Variants in TMEM14A observed in about 807,000 individuals in gnomAD.
The protein encoded by TMEM14A is transmembrane protein 14A.
In TMEM14A, 8 loss-of-function variants were observed where a neutral mutation model predicts 11.6. The ratio of observed to expected loss-of-function variants is 0.69; its 90% confidence interval spans 0.40 to 1.24. The LOEUF is 1.24. Ranked by LOEUF, TMEM14A falls within the 50% of genes most tolerant of loss-of-function variation. The pLI is 0.01. For missense variants in TMEM14A, 108 were observed against 121.9 expected (o/e 0.89, Z 0.54); for synonymous variants, 34 against 45.5 (o/e 0.75, Z 1.02).
intron 1 of TMEM14A, among the ~76,000 whole-genome samples, chr6:52,674,611 A>G (rs1190930751): frequency 1.3e-5 from 2 of 152,176 alleles, no homozygotes; most frequent in Non-Finnish European, 2.9e-5. Context: ...GCTCAAAAAC[A>G]TTATAACCTC....
chr6:52,686,143 A>G lies in TMEM14A; in HGVS notation c.*94A>G, dbSNP rs1769489566. 3 of 1,253,422 alleles carry G rather than the reference A, an allele frequency of 2.4e-6. No homozygotes were observed. Among genetic ancestry groups the G allele is most frequent in the Non-Finnish European group, 3.3e-6 (3 of 902,508 alleles). 77.6% of individuals were successfully genotyped at this position (1,253,422 alleles called of 1,614,324 possible). ...ATTTAAAAGATAAACTTCAATATGG[A>G]ATGCTAGAAACACAAATAGCACTGT... On this transcript the variant is annotated 3_prime_UTR_variant, in exon 5 of 5. Transcript: ENST00000211314.
chr6:52,681,475 A>G (rs1769391199), intron 2 of TMEM14A, among the ~76,000 whole-genome samples: 2 of 152,248 alleles, frequency 1.3e-5, no homozygotes, highest in Admixed American at 6.5e-5. Flanking sequence ...AAAAATTAAA[A>G]AAGAAGGGCT....
At chr6:52,680,655 G>GTATATATA (rs1561875017) in intron 2 of TMEM14A, among the ~76,000 whole-genome samples, 5 of 8,838 alleles carry the variant, frequency 5.7e-4, no homozygotes, top group Non-Finnish European at 1.1e-3. Context: ...ATATATGTGT[G>GTATATATA]TGTATATATA....
chr6:52,675,902 A>G (rs1400367376), intron 1 of TMEM14A, among the ~76,000 whole-genome samples: 1 of 152,238 alleles, frequency 6.6e-6, no homozygotes, highest in Non-Finnish European at 1.5e-5. Flanking sequence ...CTTTGATAGT[A>G]CAGACTAGAG....
rs771735530 is a variant in TMEM14A at position 52,677,137 on chromosome 6, T to C, written c.35T>C (p.Val12Ala). The change falls in exon 2 of 5, where the codon GTG becomes GCG. Residue 12 changes from valine to alanine, a missense_variant. Coordinates refer to ENST00000211314, the MANE Select transcript of TMEM14A (RefSeq NM_014051.4). ...DLIGFGYAALVTFGSIFGYKR... is the reference protein window; with the variant it reads ...DLIGFGYAALATFGSIFGYKR... ...ATCGGTTTTGGTTATGCAGCCCTCGTGACATTTGGAAGCATTTTTGGATAT... is the reference window on the plus strand; with the variant it reads ...ATCGGTTTTGGTTATGCAGCCCTCGCGACATTTGGAAGCATTTTTGGATAT... 6.8e-6 allele frequency: 11 copies of C among 1,614,068 alleles called. No homozygotes were observed. In the African/African-American group the frequency reaches 1.3e-4, roughly 20 times the overall value.
chr6:52,684,194 T>C (rs1197489014), intron 4 of TMEM14A, 29 bp downstream of exon 4: 3 of 1,588,500 alleles, frequency 1.9e-6, no homozygotes, highest in African/African-American at 2.7e-5. Flanking sequence ...ATCAATACTT[T>C]CCTCTGCTGT....
In TMEM14A at chr6:52,686,154, C is replaced by A; in HGVS notation, c.*105C>A. On this transcript the variant is annotated 3_prime_UTR_variant, in exon 5 of 5. Transcript: ENST00000211314. ...AAACTTCAATATGGAATGCTAGAAA[C>A]ACAAATAGCACTGTCACCTCTAATA... 1 of 1,085,940 alleles carries A rather than the reference C, an allele frequency of 9.2e-7. No individual in the cohort carries two copies. Among genetic ancestry groups the A allele is most frequent in the Non-Finnish European group, 1.3e-6 (1 of 760,308 alleles). 67.3% of individuals were successfully genotyped at this position (1,085,940 alleles called of 1,614,324 possible). A position where few individuals can be genotyped will look rare whatever the true frequency, so the allele number is the denominator to read the frequency against.
intron 4 of TMEM14A, 72 bp downstream of exon 4, chr6:52,684,237 A>C: frequency 2.2e-6 from 3 of 1,364,952 alleles, no homozygotes; most frequent in East Asian, 2.4e-5. Flanking sequence ...GGGAAACATC[A>C]ATTTTAATTT....
intron 1 of TMEM14A, among the ~76,000 whole-genome samples, chr6:52,676,395 C>T (rs1053520288): frequency 1.8e-4 from 27 of 152,106 alleles, no homozygotes; most frequent in African/African-American, 6.0e-4. Flanking sequence ...TGGGATCACA[C>T]GTGCATGCCA....
At chr6:52,679,934 C>T (rs1478771660) in intron 2 of TMEM14A, among the ~76,000 whole-genome samples, 1 of 152,008 alleles carries the variant, frequency 6.6e-6, no homozygotes, top group African/African-American at 2.4e-5. Flanking sequence ...AAAGGAGCAT[C>T]ATAGAATCTC....
At chr6:52,682,110 A>G (rs554070091) in intron 3 of TMEM14A, among the ~76,000 whole-genome samples, 196 bp downstream of exon 3, 1 of 152,358 alleles carries the variant, frequency 6.6e-6, no homozygotes, top group African/African-American at 2.4e-5. Context: ...AGGCCTTCCA[A>G]CTCAGAAGAA....
At position 52,683,483 on chromosome 6, in the gene TMEM14A, CAAAAA is replaced by C. The variant is rs71799754; in HGVS notation, c.173-585_173-581del. Among the ~76,000 whole-genome samples, 851 of 130,922 alleles carry C rather than the reference CAAAAA, an allele frequency of 6.5e-3. 7 individuals are homozygous for C. Among genetic ancestry groups the C allele is most frequent in the Admixed American group, 0.013 (166 of 13,004 alleles). The allele number at this position is 130,922 out of a possible 152,430, so 85.9% of individuals were successfully genotyped here. A position where few individuals can be genotyped will look rare whatever the true frequency, so the allele number is the denominator to read the frequency against. On this transcript the variant is annotated intron_variant, in intron 3 of 4. Transcript: ENST00000211314. ...TCAACAACAACAACAACAACAACAA[CAAAAA>C]AAAAAAAAAGAAAAAGAAAAGGTCT...
intron 1 of TMEM14A, among the ~76,000 whole-genome samples, chr6:52,675,014 T>A (rs546769341): frequency 6.6e-6 from 1 of 151,928 alleles, no homozygotes; most frequent in African/African-American, 2.4e-5. Context: ...GTAGCTGGGA[T>A]TACAGACATG....
intron 4 of TMEM14A, among the ~76,000 whole-genome samples, chr6:52,685,591 G>GA (rs56713067): frequency 0.29 from 41,679 of 146,110 alleles, 6,975 homozygotes; most frequent in East Asian, 0.43. Context: ...TCAGAAAAAA[G>GA]AAAAAAAAAA....
intron 3 of TMEM14A, among the ~76,000 whole-genome samples, chr6:52,682,995 G>C (rs923564622): frequency 1.3e-5 from 2 of 151,858 alleles, no homozygotes; most frequent in Non-Finnish European, 2.9e-5. Flanking sequence ...TTATTAATCA[G>C]ATCTTACTTG....
rs189638074 is a variant in TMEM14A at position 52,686,346 on chromosome 6, T to C, written c.*297T>C. On this transcript the variant is annotated 3_prime_UTR_variant, in exon 5 of 5. Coordinates refer to ENST00000211314, the MANE Select transcript of TMEM14A (RefSeq NM_014051.4). ...ATTTTTTGAAAATTCCAAATACTCA[T>C]GTCTCAAGTAAGCTTAAACTACAAC... The C allele has an allele frequency of 6.4e-4, 253 of 392,854 alleles. No homozygotes were observed. The highest frequency in any genetic ancestry group is 9.2e-4 in the Non-Finnish European group (203 of 221,406). 24.3% of individuals were successfully genotyped at this position (392,854 alleles called of 1,614,324 possible).
rs567705828 is a variant in TMEM14A at position 52,674,994 on chromosome 6, A to T, written c.-16-2093A>T. Reference sequence around the variant, plus strand: ...CAGGTTCAAGGGATTTTCCGGTCTCAGCCTCCTGAGTAGCTGGGATTACAG... The same window carrying T: ...CAGGTTCAAGGGATTTTCCGGTCTCTGCCTCCTGAGTAGCTGGGATTACAG... On this transcript the variant is annotated intron_variant, in intron 1 of 4. Transcript: ENST00000211314. Among the ~76,000 whole-genome samples, 9 of 150,624 alleles carry T rather than the reference A, an allele frequency of 6.0e-5. No individual in the cohort carries two copies. In the Admixed American group the frequency reaches 6.0e-4, roughly 10 times the overall value.
intron 1 of TMEM14A, among the ~76,000 whole-genome samples, chr6:52,674,823 T>A (rs1345774276): frequency 6.6e-6 from 1 of 151,228 alleles, no homozygotes; most frequent in African/African-American, 2.4e-5. Context: ...TCAGCTTCCC[T>A]CCCCCATACC....
In TMEM14A at chr6:52,681,778, T is replaced by C. The variant is rs779727967; in HGVS notation, c.71-35T>C. On this transcript the variant is annotated intron_variant, in intron 2 of 4. Transcript: ENST00000211314. ...GAATGAATTCCTTTCCTTTTGGGAT[T>C]CTCTTTGTGATCTCATATTTTTTTC... is the stretch of plus-strand genomic sequence containing the variant. 17 of 1,558,162 alleles carry C rather than the reference T, an allele frequency of 1.1e-5. No individual in the cohort carries two copies. In the South Asian group the frequency reaches 1.7e-4, roughly 15 times the overall value.
Sources: gnomAD v4.1 joint callset for allele counts (sites outside exome capture counted in the v4.1 genomes callset) on GRCh38, gnomAD v4.1.1 for gene constraint, MANE v1.5 for transcripts, NCBI Gene and HGNC (gene_info 2026-07-23, HGNC 2026-07-21) for gene names.